Variants in LEPROT observed in about 807,000 individuals in gnomAD.
LEPROT encodes the protein leptin receptor gene-related protein.
LEPROT carries 3 observed loss-of-function variants against 15.4 expected under a neutral mutation model. The ratio of observed to expected loss-of-function variants is 0.19; its 90% confidence interval spans 0.09 to 0.50. The LOEUF is 0.50. LEPROT is among the 20% of genes least tolerant of loss of function. The probability of loss-of-function intolerance (pLI) is 0.97; values close to 1 mark genes in which losing one functional copy is unlikely to be tolerated. For synonymous variants in LEPROT, 59 were observed against 57.5 expected (o/e 1.03, Z -0.12); for missense variants, 137 against 162.2 (o/e 0.84, Z 0.84).
chr1:65,422,971 AG>A (rs1303040548), intron 1 of LEPROT, among the ~76,000 whole-genome samples: 6 of 152,234 alleles, frequency 3.9e-5, no homozygotes, highest in Non-Finnish European at 8.8e-5. Flanking sequence ...GGCCTGCACC[AG>A]GGCTGTAGCA....
chr1:65,422,944 A>C (rs1398262493), intron 1 of LEPROT, among the ~76,000 whole-genome samples: 1 of 152,216 alleles, frequency 6.6e-6, no homozygotes, highest in Non-Finnish European at 1.5e-5. Context: ...TCACAGAGGC[A>C]GGAATAAGAG....
At chr1:65,421,301 T>C in intron 1 of LEPROT, 1 of 1,508,834 alleles carries the variant, frequency 6.6e-7, no homozygotes, top group Non-Finnish European at 8.8e-7. Flanking sequence ...TACTGCTTTC[T>C]TCGGTGTTTT....
intron 2 of LEPROT, among the ~76,000 whole-genome samples, chr1:65,426,959 C>T (rs548617689): frequency 2.6e-5 from 4 of 151,620 alleles, no homozygotes; most frequent in Admixed American, 6.5e-5. Context: ...GATCGTGCCA[C>T]TGCACTCTAG....
chr1:65,424,320 C>G (rs1646315132), intron 1 of LEPROT, among the ~76,000 whole-genome samples: 1 of 152,034 alleles, frequency 6.6e-6, no homozygotes, highest in South Asian at 2.1e-4. Flanking sequence ...GCAAAATGAT[C>G]AAAGGTATAT....
intron 1 of LEPROT, among the ~76,000 whole-genome samples, chr1:65,421,825 C>G (rs9436737): frequency 0.13 from 20,104 of 151,896 alleles, 1,414 homozygotes; most frequent in African/African-American, 0.16. Flanking sequence ...AAATCATGAT[C>G]ACGTTTATGT....
intron 2 of LEPROT, among the ~76,000 whole-genome samples, chr1:65,428,289 CAG>C (rs1646419388): frequency 6.6e-6 from 1 of 152,036 alleles, no homozygotes; most frequent in Admixed American, 6.6e-5. Context: ...AACATAGAGT[CAG>C]ATTGTTTTTC....
intron 2 of LEPROT, among the ~76,000 whole-genome samples, chr1:65,428,681 TGTG>T (rs1301900081): frequency 1.3e-5 from 2 of 152,168 alleles, no homozygotes; most frequent in East Asian, 1.9e-4. Context: ...ATTACAGTAT[TGTG>T]GTGATATGAA....
At chr1:65,424,803 CT>C (rs1237670200) in intron 1 of LEPROT, among the ~76,000 whole-genome samples, 1 of 152,100 alleles carries the variant, frequency 6.6e-6, no homozygotes, top group African/African-American at 2.4e-5. Context: ...TACTTTCTCT[CT>C]TCTTATAAGG....
chr1:65,421,593 A>AC, intron 1 of LEPROT: 3 of 1,001,276 alleles, frequency 3.0e-6, no homozygotes, highest in Non-Finnish European at 3.0e-6. Flanking sequence ...TGTAGATAGT[A>AC]TATATACGAG....
rs140610013 is a variant in LEPROT at position 65,427,344 on chromosome 1, T to C, written c.92+1966T>C. 2.7e-3 allele frequency among the ~76,000 whole-genome samples: 414 copies of C among 151,930 alleles called. 7 individuals are homozygous for C. The East Asian group carries it at 0.057, about 21-fold the overall frequency. On this transcript the variant is annotated intron_variant, in intron 2 of 3. Coordinates refer to ENST00000371065, the MANE Select transcript of LEPROT (RefSeq NM_017526.5). ...ATCCCAGCACTTTGGGAGGCAACGGTAGGAGGATTGCTTGAAGCCAGGAGT... is the reference window on the plus strand; with the variant it reads ...ATCCCAGCACTTTGGGAGGCAACGGCAGGAGGATTGCTTGAAGCCAGGAGT...
chr1:65,430,287 T>G, intron 3 of LEPROT: 1 of 347,034 alleles, frequency 2.9e-6, no homozygotes, highest in Non-Finnish European at 5.2e-6. Flanking sequence ...CTTTTTCTAC[T>G]TTAAGCTATT....
At chr1:65,421,451 T>G (rs1304017641) in intron 1 of LEPROT, 2 of 1,536,162 alleles carry the variant, frequency 1.3e-6, no homozygotes, top group East Asian at 2.4e-5. Flanking sequence ...CAAGGCTTCC[T>G]GTATTTTGGT....
intron 2 of LEPROT, among the ~76,000 whole-genome samples, chr1:65,429,409 C>G (rs549160374): frequency 6.6e-4 from 100 of 152,110 alleles, no homozygotes; most frequent in Non-Finnish European, 1.2e-3. Context: ...TAGATAATAC[C>G]AGACCATAAA....
intron 2 of LEPROT, among the ~76,000 whole-genome samples, chr1:65,426,262 GAAACCAC>G (rs578181376): frequency 1.1e-3 from 154 of 134,776 alleles, no homozygotes; most frequent in African/African-American, 5.7e-3. Flanking sequence ...GCCTTTTCAG[GAAACCAC>G]ACATGGTACA....
intron 1 of LEPROT, among the ~76,000 whole-genome samples, chr1:65,424,580 T>G (rs1377988727): frequency 6.6e-6 from 1 of 152,240 alleles, no homozygotes; most frequent in Non-Finnish European, 1.5e-5. Context: ...GTCATTGTCT[T>G]AATCAGTTTG....
At position 65,430,064 on chromosome 1, in the gene LEPROT, T is replaced by C. The variant is rs1397623553; in HGVS notation, c.279+16T>C. On this transcript the variant is annotated intron_variant, in intron 3 of 3. Coordinates refer to ENST00000371065, the MANE Select transcript of LEPROT (RefSeq NM_017526.5). ...TGTGGCTGTGGTAAGTTTTATTTTC[T>C]ATTGTTTTGCCCAACCGTTGCTGAG... The C allele has an allele frequency of 6.5e-7, 1 of 1,546,798 alleles. No homozygotes were observed. Among genetic ancestry groups the C allele is most frequent in the Non-Finnish European group, 8.8e-7 (1 of 1,132,930 alleles).
chr1:65,423,609 G>A (rs1330503722), intron 1 of LEPROT, among the ~76,000 whole-genome samples: 1 of 152,178 alleles, frequency 6.6e-6, no homozygotes, highest in Admixed American at 6.5e-5. Flanking sequence ...TTCCATTAAA[G>A]AGTGGAAATG....
intron 1 of LEPROT, among the ~76,000 whole-genome samples, chr1:65,423,893 A>G (rs1472811341): frequency 1.3e-5 from 2 of 152,220 alleles, no homozygotes; most frequent in Non-Finnish European, 2.9e-5. Flanking sequence ...TGCTAAAATG[A>G]GTAGATACCT....
At chr1:65,431,692 C>A in intron 3 of LEPROT, 111 bp from the exon 4 acceptor site, 1 of 1,115,876 alleles carries the variant, frequency 9.0e-7, no homozygotes, top group Non-Finnish European at 1.3e-6. Context: ...AGCCTTTTAG[C>A]AGCTTTGTGT....
Sources: allele counts gnomAD v4.1 joint callset (sites outside exome capture counted in the v4.1 genomes callset), GRCh38; gene constraint gnomAD v4.1.1; transcripts MANE v1.5; gene names NCBI Gene and HGNC (gene_info 2026-07-23, HGNC 2026-07-21).